Variants in PDGFRA observed in about 807,000 individuals in gnomAD.
PDGFRA encodes platelet derived growth factor receptor alpha.
PDGFRA carries 25 observed loss-of-function variants against 121.5 expected under a neutral mutation model. The observed-to-expected ratio is 0.21, with a 90% CI of 0.15 to 0.29. The LOEUF is 0.29. Ranked by LOEUF, PDGFRA falls within the 10% of genes least tolerant of loss-of-function variation. The pLI is 1.00. For synonymous variants in PDGFRA, 463 were observed against 494.8 expected, an observed-to-expected ratio of 0.94 and a Z score of 0.85; for missense variants, 1,008 against 1,345.1, an observed-to-expected ratio of 0.75 and a Z score of 3.92.
intron 1 of PDGFRA, among the ~76,000 whole-genome samples, chr4:54,232,618 T>C (rs1720748889): frequency 6.6e-6 from 1 of 152,216 alleles, no homozygotes; most frequent in South Asian, 2.1e-4. Flanking sequence ...AGAGTCTCGC[T>C]CTGTCGCCCA....
intron 1 of PDGFRA, among the ~76,000 whole-genome samples, chr4:54,231,005 T>C (rs1338108929): frequency 1.3e-5 from 2 of 152,206 alleles, no homozygotes; most frequent in Admixed American, 6.5e-5. Flanking sequence ...GCCAGGAGCC[T>C]GGGCCGGGCC....
chr4:54,270,752 T>A lies in PDGFRA; in HGVS notation c.1237+4T>A, dbSNP rs533219222. On this transcript the variant is annotated splice_donor_region_variant and intron_variant, in intron 8 of 22. Coordinates refer to ENST00000257290, the MANE Select transcript of PDGFRA (RefSeq NM_006206.6). ...ACTTTTGAACTGTTAACTCAAGGTA[T>A]GTAAAGGGAGTATAAAGATAATGCT... 1 of 1,454,998 alleles carries A rather than the reference T, an allele frequency of 6.9e-7. No individual in the cohort carries two copies. The highest frequency in any genetic ancestry group is 1.4e-5 in the African/African-American group (1 of 71,982). 90.1% of individuals were successfully genotyped at this position (1,454,998 alleles called of 1,614,324 possible).
chr4:54,272,728 G>A (rs922941569), intron 9 of PDGFRA, among the ~76,000 whole-genome samples: 6 of 152,130 alleles, frequency 3.9e-5, no homozygotes, highest in Admixed American at 2.6e-4. Context: ...CTAAAAACAA[G>A]AGTGAATTTT....
Position 54,273,610 on chromosome 4 carries a change from G to A in PDGFRA, c.1438G>A (p.Asp480Asn), listed in dbSNP as rs746522772. 8 of 1,613,938 alleles carry A rather than the reference G, an allele frequency of 5.0e-6. No individual in the cohort carries two copies. Among genetic ancestry groups the A allele is most frequent in the South Asian group, 4.4e-5 (4 of 91,082 alleles). The change falls in exon 10 of 23, where the codon GAC (aspartate) becomes AAC (asparagine). Residue 480 changes from aspartate (D) to asparagine (N), a missense_variant. Asp to Asn is a conservative substitution (Grantham distance 23). Coordinates refer to ENST00000257290, the MANE Select transcript of PDGFRA (RefSeq NM_006206.6). ...SNIITEIHSR[D>N]RSTVEGRVTF... ...CATCATCACGGAGATCCACTCCCGA[G>A]ACAGGAGTACCGTGGAGGGCCGTGT... is the stretch of plus-strand genomic sequence containing the variant.
chr4:54,294,067 A>AT (rs1724762915), intron 22 of PDGFRA, among the ~76,000 whole-genome samples: 2 of 152,136 alleles, frequency 1.3e-5, no homozygotes, highest in African/African-American at 4.8e-5. Context: ...TTTTGAAAGT[A>AT]TGGCTTTTCT....
At chr4:54,270,370 C>T (rs574605867) in intron 7 of PDGFRA, among the ~76,000 whole-genome samples, 10 of 152,072 alleles carry the variant, frequency 6.6e-5, no homozygotes, top group African/African-American at 2.4e-4. Context: ...GAAGTCAGGC[C>T]GTGGCTGAAC....
At chr4:54,272,289 T>C in intron 8 of PDGFRA, 105 bp from the exon 9 acceptor site, 1 of 1,270,734 alleles carries the variant, frequency 7.9e-7, no homozygotes, top group Non-Finnish European at 1.1e-6. Context: ...CTCCGGAGTG[T>C]TTTGAATGCC....
intron 2 of PDGFRA, among the ~76,000 whole-genome samples, chr4:54,259,630 C>T (rs1722577513): frequency 6.6e-6 from 1 of 152,130 alleles, no homozygotes; most frequent in African/African-American, 2.4e-5. Context: ...TTAGCTCAGC[C>T]CGTTAGTGTC....
At chr4:54,257,459 G>A (rs1722435001) in intron 1 of PDGFRA, among the ~76,000 whole-genome samples, 1 of 152,148 alleles carries the variant, frequency 6.6e-6, no homozygotes, top group Non-Finnish European at 1.5e-5. Context: ...AAGAACCCAT[G>A]TGGCCTCCCA....
chr4:54,288,956 G>A, intron 20 of PDGFRA, 53 bp from the exon 21 acceptor site: 1 of 1,521,318 alleles, frequency 6.6e-7, no homozygotes, highest in Non-Finnish European at 9.1e-7. Context: ...CTAGGGGGAG[G>A]GAGGGGCCCT....
At chr4:54,292,172 A>G (rs1208803667) in intron 22 of PDGFRA, among the ~76,000 whole-genome samples, 1 of 152,230 alleles carries the variant, frequency 6.6e-6, no homozygotes, top group African/African-American at 2.4e-5. Flanking sequence ...TACTGAGTAT[A>G]TACCCAGAGT....
At chr4:54,264,226 G>A (rs892577831) in intron 4 of PDGFRA, 17 of 488,180 alleles carry the variant, frequency 3.5e-5, no homozygotes, top group Middle Eastern at 1.1e-3. Context: ...TGACTATGGC[G>A]GCCCTAAAAA....
intron 2 of PDGFRA, among the ~76,000 whole-genome samples, chr4:54,260,434 G>C (rs1722635293): frequency 7.5e-6 from 1 of 134,210 alleles, no homozygotes. Context: ...TTTGAGACAG[G>C]GTCTCTCGCT....
At position 54,297,753 on chromosome 4, in the gene PDGFRA, A is replaced by G. The variant is rs922627662; in HGVS notation, c.*2481A>G. 5 of 233,566 alleles carry G rather than the reference A, an allele frequency of 2.1e-5. No individual in the cohort carries two copies. The highest frequency in any genetic ancestry group is 1.8e-4 in the South Asian group (1 of 5,520). The allele number at this position is 233,566 out of a possible 1,614,324, so 14.5% of individuals were successfully genotyped here. On this transcript the variant is annotated 3_prime_UTR_variant, in exon 23 of 23. Coordinates refer to ENST00000257290, the MANE Select transcript of PDGFRA (RefSeq NM_006206.6). Reference sequence around the variant, plus strand: ...AATTTGCCAATCTTTCCTACTTTCTATTTTTATGATGACAATCAAAGCCGG... The same window carrying G: ...AATTTGCCAATCTTTCCTACTTTCTGTTTTTATGATGACAATCAAAGCCGG...
chr4:54,231,568 G>C (rs536373637), intron 1 of PDGFRA, among the ~76,000 whole-genome samples: 1 of 152,230 alleles, frequency 6.6e-6, no homozygotes, highest in Non-Finnish European at 1.5e-5. Flanking sequence ...CTGCTGAATT[G>C]CATCCCCTCT....
chr4:54,262,021 C>G (rs1395764095), intron 3 of PDGFRA, among the ~76,000 whole-genome samples: 3 of 148,652 alleles, frequency 2.0e-5, no homozygotes, highest in Non-Finnish European at 4.4e-5. Flanking sequence ...AATCTCAACT[C>G]CCTTGGTTCA....
At chr4:54,257,487 G>C (rs1722436209) in intron 1 of PDGFRA, among the ~76,000 whole-genome samples, 1 of 152,158 alleles carries the variant, frequency 6.6e-6, no homozygotes, top group Admixed American at 6.5e-5. Flanking sequence ...CTCCAATTTT[G>C]GGATTCACCA....
chr4:54,266,510 G>A (rs978992978), intron 5 of PDGFRA, among the ~76,000 whole-genome samples: 6 of 150,770 alleles, frequency 4.0e-5, no homozygotes, highest in East Asian at 3.9e-4. Flanking sequence ...GCCTTTCAAA[G>A]TGTTGGGATT....
Position 54,297,299 on chromosome 4 carries a change from G to A in PDGFRA, c.*2027G>A, listed in dbSNP as rs1018612123. 1 of 233,552 alleles carries A rather than the reference G, an allele frequency of 4.3e-6. No individual in the cohort carries two copies. The highest frequency in any genetic ancestry group is 2.2e-5 in the African/African-American group (1 of 45,308). 14.5% of individuals were successfully genotyped at this position (233,552 alleles called of 1,614,324 possible). The stretch of plus-strand genomic sequence containing the variant: ...AGATGATGCTTTGGAAGATGCAGAA[G>A]CAATAATAAAGTACTTGACTACCTA... On this transcript the variant is annotated 3_prime_UTR_variant, in exon 23 of 23. Transcript: ENST00000257290.
Sources: allele counts gnomAD v4.1 joint callset (sites outside exome capture counted in the v4.1 genomes callset), GRCh38; gene constraint gnomAD v4.1.1; transcripts MANE v1.5; gene names NCBI Gene and HGNC (gene_info 2026-07-23, HGNC 2026-07-21).